PCNT: variants seen among roughly 807,000 people sequenced by gnomAD.
The protein encoded by PCNT is pericentrin.
PCNT carries 319 observed loss-of-function variants against 380.4 expected under a neutral mutation model. The ratio of observed to expected loss-of-function variants is 0.84; its 90% CI spans 0.77 to 0.92. PCNT has a LOEUF of 0.92. Ranked by LOEUF, PCNT falls within the 40% of genes least tolerant of loss-of-function variation. The probability of loss-of-function intolerance (pLI) is 0.00; values close to 1 mark genes in which losing one functional copy is unlikely to be tolerated. For synonymous variants in PCNT, 1,845 were observed against 1,735.2 expected, an observed-to-expected ratio of 1.06 and a Z score of -1.57; for missense variants, 4,400 against 4,255.3, an observed-to-expected ratio of 1.03 and a Z score of -0.95.
At chr21:46,400,300 C>T (rs2086377126) in intron 25 of PCNT, among the ~76,000 whole-genome samples, 1 of 152,006 alleles carries the variant, frequency 6.6e-6, no homozygotes, top group African/African-American at 2.4e-5. Flanking sequence ...GGTGGGCCAT[C>T]TCATGGCTGG....
At chr21:46,405,572 C>A (rs2086598147) in intron 27 of PCNT, among the ~76,000 whole-genome samples, 2 of 152,212 alleles carry the variant, frequency 1.3e-5, no homozygotes, top group South Asian at 4.1e-4. Context: ...GTGGCCGGTG[C>A]CTCTAATGGT....
intron 30 of PCNT, among the ~76,000 whole-genome samples, 185 bp downstream of exon 30, chr21:46,417,024 A>T (rs552930042): frequency 6.6e-6 from 1 of 152,282 alleles, no homozygotes; most frequent in East Asian, 1.9e-4. Flanking sequence ...AGGTATTTTT[A>T]AAATGCCTGA....
intron 14 of PCNT, among the ~76,000 whole-genome samples, chr21:46,365,864 C>T (rs1489227626): frequency 1.5e-4 from 18 of 117,096 alleles, no homozygotes; most frequent in East Asian, 4.3e-4. Flanking sequence ...CTGTTCACTG[C>T]CGTGGGGTTC....
Position 46,366,554 on chromosome 21 carries a change from A to G in PCNT, c.2610-30A>G, listed in dbSNP as rs1035166908. 5.0e-6 allele frequency: 8 copies of G among 1,590,648 alleles called. No individual in the cohort carries two copies. In the African/African-American group the frequency reaches 8.1e-5, roughly 16 times the overall value. On this transcript the variant is annotated intron_variant, in intron 14 of 46. Transcript: ENST00000359568. Reference sequence around the variant, plus strand: ...GGTCATTGCTTCCTGATGCATGTTTAACTGTCCTGTGTTCACTTTGTTGCC... The same window carrying G: ...GGTCATTGCTTCCTGATGCATGTTTGACTGTCCTGTGTTCACTTTGTTGCC...
At position 46,443,900 on chromosome 21, in the gene PCNT, C is replaced by T. The variant is rs369749235; in HGVS notation, c.9791C>T (p.Ala3264Val). 6.2e-7 allele frequency: 1 copy of T among 1,612,754 alleles called. No homozygotes were observed. The highest frequency in any genetic ancestry group is 1.3e-5 in the African/African-American group (1 of 74,902). Residue 3264 changes from alanine to valine, a missense_variant, in exon 45 of 47, where the codon GCC becomes GTC. By Grantham distance (64) the Ala-to-Val change is moderately conservative. Coordinates refer to ENST00000359568, the MANE Select transcript of PCNT (RefSeq NM_006031.6). ...CCCTCTGGCCACACCAGGGACCCTG[C>T]CAGAGGCCGCAGACTGGCAGCAGCA... ...DVPSGHTRDP[A>V]RGRRLAAAAS...
intron 27 of PCNT, among the ~76,000 whole-genome samples, chr21:46,403,152 AGT>A (rs754330450): frequency 7.9e-4 from 89 of 112,200 alleles, no homozygotes; most frequent in Admixed American, 2.5e-3. Flanking sequence ...TGGGAGAATT[AGT>A]GTGTGTGGTG....
chr21:46,340,164 G>T (rs1306425968), intron 3 of PCNT, among the ~76,000 whole-genome samples: 1 of 152,170 alleles, frequency 6.6e-6, no homozygotes, highest in Non-Finnish European at 1.5e-5. Flanking sequence ...GAGAGAACTT[G>T]TGCAGAGGAA....
chr21:46,381,787 G>A lies in PCNT; in HGVS notation c.3259G>A (p.Glu1087Lys). The A allele has an allele frequency of 1.2e-6, 2 of 1,614,246 alleles. No homozygotes were observed. Among genetic ancestry groups the A allele is most frequent in the Non-Finnish European group, 1.7e-6 (2 of 1,180,040 alleles). Residue 1087 changes from glutamate (E) to lysine (K), a missense_variant, in exon 16 of 47, where the codon GAG becomes AAG. Physicochemically the swap from Glu to Lys is moderately conservative, Grantham distance 56 (BLOSUM62 1). Transcript: ENST00000359568. ...SAQAQPFHQE[E>K]KESLSLQLQK... is the part of the protein sequence containing the mutation. Reference sequence around the variant, plus strand: ...ACAGGCACAGCCTTTTCACCAAGAGGAGAAAGAGTCTTTGTCTCTGCAGCT... The same window carrying A: ...ACAGGCACAGCCTTTTCACCAAGAGAAGAAAGAGTCTTTGTCTCTGCAGCT...
In PCNT at chr21:46,416,712, A is replaced by T. The variant is rs765289139; in HGVS notation, c.6794A>T (p.Asp2265Val). ...SADTSLGDRADTSLPQTQGPG... is the reference protein window; with the variant it reads ...SADTSLGDRAVTSLPQTQGPG... ...GACACATCCCTGGGGGACAGGGCGGACACCTCGCTGCCACAGACCCAGGGG... is the reference window on the plus strand; with the variant it reads ...GACACATCCCTGGGGGACAGGGCGGTCACCTCGCTGCCACAGACCCAGGGG... Residue 2265 changes from aspartate (D) to valine (V), a missense_variant, in exon 30 of 47, where the codon GAC becomes GTC. Physicochemically the swap from Asp to Val is radical, Grantham distance 152 (BLOSUM62 -3). Coordinates refer to ENST00000359568, the MANE Select transcript of PCNT (RefSeq NM_006031.6). 1 of 1,577,008 alleles carries T rather than the reference A, an allele frequency of 6.3e-7. No individual in the cohort carries two copies. The highest frequency in any genetic ancestry group is 1.7e-5 in the Admixed American group (1 of 57,334).
intron 22 of PCNT, among the ~76,000 whole-genome samples, chr21:46,397,744 C>G (rs2086255680): frequency 6.8e-6 from 1 of 146,648 alleles, no homozygotes; most frequent in Non-Finnish European, 1.5e-5. Flanking sequence ...GGAGGCGTCA[C>G]TTGGGGCCCG....
intron 1 of PCNT, among the ~76,000 whole-genome samples, chr21:46,325,792 G>C (rs2083375139): frequency 2.6e-5 from 4 of 152,206 alleles, no homozygotes; most frequent in Admixed American, 6.5e-5. Context: ...AGCAGAGCTA[G>C]GCTGTGCCTT....
At chr21:46,371,773 T>C (rs1322154621) in intron 15 of PCNT, among the ~76,000 whole-genome samples, 3 of 152,208 alleles carry the variant, frequency 2.0e-5, no homozygotes, top group Non-Finnish European at 4.4e-5. Flanking sequence ...GTCTGCATGA[T>C]GAGCACACGC....
At chr21:46,430,360 G>A (rs2087698312) in intron 36 of PCNT, 128 bp downstream of exon 36, 29 of 1,387,978 alleles carry the variant, frequency 2.1e-5, no homozygotes, top group Non-Finnish European at 2.9e-5. Flanking sequence ...ACCGCGCCCT[G>A]CTGTCCCTGG....
intron 28 of PCNT, 139 bp from the exon 29 acceptor site, chr21:46,412,698 C>A: frequency 1.1e-6 from 1 of 911,124 alleles, no homozygotes; most frequent in Non-Finnish European, 1.8e-6. Flanking sequence ...GACCAAGGTG[C>A]TCGGCTGTGG....
At chr21:46,328,373 C>T (rs954675070) in intron 2 of PCNT, among the ~76,000 whole-genome samples, 6 of 152,052 alleles carry the variant, frequency 3.9e-5, no homozygotes, top group African/African-American at 1.4e-4. Flanking sequence ...AGCGATCTTC[C>T]TGCCTCAGGC....
intron 10 of PCNT, 81 bp from the exon 11 acceptor site, chr21:46,353,906 C>A: frequency 1.7e-6 from 2 of 1,208,052 alleles, no homozygotes; most frequent in Non-Finnish European, 1.2e-6. Context: ...CTGCTGTGAG[C>A]AGTCGGTCCT....
At chr21:46,337,295 G>A (rs1162587934) in intron 3 of PCNT, among the ~76,000 whole-genome samples, 1 of 152,074 alleles carries the variant, frequency 6.6e-6, no homozygotes, top group Non-Finnish European at 1.5e-5. Flanking sequence ...TTACTTATTT[G>A]TTCAACTCTC....
Position 46,418,248 on chromosome 21 carries a change from A to G in PCNT, c.6966A>G (p.Gln2322=), listed in dbSNP as rs755460323. 3.7e-6 allele frequency: 6 copies of G among 1,610,662 alleles called. No individual in the cohort carries two copies. Among genetic ancestry groups the G allele is most frequent in the East Asian group, 2.2e-5 (1 of 44,868 alleles). ...TTATCACAACATCCTTTGATTCTCA[A>G]GAAACATTAAGTTCACCTCCTCCTG... is the stretch of plus-strand genomic sequence containing the variant. ...EDFITTSFDS[Q]ETLSSPPPGL... is the part of the protein sequence containing the mutation. Residue 2322 remains glutamine, a synonymous_variant, in exon 31 of 47, where the codon CAA becomes CAG. Transcript: ENST00000359568.
At chr21:46,324,753 C>T in intron 1 of PCNT, 2 of 461,928 alleles carry the variant, frequency 4.3e-6, no homozygotes, top group Non-Finnish European at 5.7e-6. Flanking sequence ...GGCCGGTATT[C>T]GGGTGGCTGC....
Sources: gnomAD v4.1 joint callset for allele counts (sites outside exome capture counted in the v4.1 genomes callset) on GRCh38, gnomAD v4.1.1 for gene constraint, MANE v1.5 for transcripts, NCBI Gene and HGNC (gene_info 2026-07-23, HGNC 2026-07-21) for gene names.